ERBB4: variants seen among roughly 807,000 people sequenced by gnomAD.
The protein encoded by ERBB4 is receptor tyrosine-protein kinase erbB-4.
In ERBB4, 42 loss-of-function variants were observed where a neutral mutation model predicts 158.0. The observed-to-expected ratio is 0.27, with a 90% CI of 0.21 to 0.34. The LOEUF is 0.34. Ranked by LOEUF, ERBB4 falls within the 10% of genes least tolerant of loss-of-function variation. The probability of loss-of-function intolerance (pLI) is 1.00; values close to 1 mark genes in which losing one functional copy is unlikely to be tolerated. For missense variants in ERBB4, 1,333 were observed against 1,624.1 expected, an observed-to-expected ratio of 0.82 and a Z score of 3.08; for synonymous variants, 583 against 558.7, an observed-to-expected ratio of 1.04 and a Z score of -0.61.
At chr2:212,385,337 G>C (rs12477300) in intron 1 of ERBB4, among the ~76,000 whole-genome samples, 39,299 of 151,508 alleles carry the variant, frequency 0.26, 5,743 homozygotes, top group African/African-American at 0.4. Flanking sequence ...TTTTAACAAA[G>C]GATTCCCAGG....
chr2:212,102,895 A>G (rs1481980656), intron 2 of ERBB4, among the ~76,000 whole-genome samples: 1 of 152,142 alleles, frequency 6.6e-6, no homozygotes, highest in Non-Finnish European at 1.5e-5. Context: ...CTCAAACTGC[A>G]ATAACTTTCA....
chr2:211,876,913 T>C (rs1378720496), intron 3 of ERBB4, among the ~76,000 whole-genome samples: 2 of 152,212 alleles, frequency 1.3e-5, no homozygotes, highest in African/African-American at 4.8e-5. Flanking sequence ...AACAAAGTTT[T>C]ATATCTATTT....
chr2:211,553,229 A>G (rs2067150727), intron 20 of ERBB4, among the ~76,000 whole-genome samples: 1 of 152,174 alleles, frequency 6.6e-6, no homozygotes, highest in South Asian at 2.1e-4. Context: ...TTGGCCTCCC[A>G]AAATGCTGAG....
intron 3 of ERBB4, among the ~76,000 whole-genome samples, chr2:211,823,232 A>G (rs956199026): frequency 6.6e-6 from 1 of 151,980 alleles, no homozygotes; most frequent in African/African-American, 2.4e-5. Context: ...TCTTGGGGCA[A>G]TAGGTAAGTG....
At chr2:211,867,777 AACAACTTAAACCGTATGTTTATT>A (rs1181066832) in intron 3 of ERBB4, among the ~76,000 whole-genome samples, 2 of 152,110 alleles carry the variant, frequency 1.3e-5, no homozygotes, top group African/African-American at 4.8e-5. Context: ...ATCTTTGTGG[AACAACTTAAACCGTATGTTTATT>A]GTTATATATG....
intron 1 of ERBB4, among the ~76,000 whole-genome samples, chr2:212,334,310 A>G (rs2088325670): frequency 6.6e-6 from 1 of 151,996 alleles, no homozygotes; most frequent in South Asian, 2.1e-4. Flanking sequence ...TTTTCTTTAT[A>G]CCACTAAACT....
intron 1 of ERBB4, among the ~76,000 whole-genome samples, chr2:212,358,803 A>G (rs2089567351): frequency 1.3e-5 from 2 of 151,932 alleles, no homozygotes; most frequent in Non-Finnish European, 2.9e-5. Context: ...TTTCTTAGCA[A>G]TAACTCACCA....
chr2:212,069,868 A>G (rs974861144), intron 2 of ERBB4, among the ~76,000 whole-genome samples: 3 of 152,048 alleles, frequency 2.0e-5, no homozygotes, highest in African/African-American at 7.2e-5. Flanking sequence ...CTATTATTCC[A>G]GCACTTTGGG....
chr2:212,062,502 G>A (rs543308407), intron 2 of ERBB4, among the ~76,000 whole-genome samples: 1 of 136,662 alleles, frequency 7.3e-6, no homozygotes, highest in East Asian at 2.4e-4. Flanking sequence ...CCAGCTCCCT[G>A]GTTTAAGCGA....
At chr2:211,983,419 A>C (rs2081857221) in intron 2 of ERBB4, among the ~76,000 whole-genome samples, 1 of 152,192 alleles carries the variant, frequency 6.6e-6, no homozygotes, top group South Asian at 2.1e-4. Flanking sequence ...GGTGAGAAGC[A>C]AAACTGTATT....
chr2:212,346,454 C>A (rs2089004615), intron 1 of ERBB4, among the ~76,000 whole-genome samples: 1 of 151,798 alleles, frequency 6.6e-6, no homozygotes, highest in Non-Finnish European at 1.5e-5. Context: ...AATCAATTCA[C>A]ACTAAACTTT....
intron 16 of ERBB4, among the ~76,000 whole-genome samples, chr2:211,634,446 ACTC>A (rs2070278698): frequency 6.6e-6 from 1 of 152,084 alleles, no homozygotes; most frequent in Non-Finnish European, 1.5e-5. Context: ...CACATTTCTT[ACTC>A]CTCTGAATTT....
chr2:212,290,274 CA>C (rs1204909625), intron 1 of ERBB4, among the ~76,000 whole-genome samples: 6 of 152,098 alleles, frequency 3.9e-5, no homozygotes, highest in Admixed American at 2.6e-4. Context: ...ACAAAGCCAC[CA>C]CTGTAAGTCT....
At chr2:211,536,727 A>G (rs1350194749) in intron 20 of ERBB4, among the ~76,000 whole-genome samples, 1 of 152,072 alleles carries the variant, frequency 6.6e-6, no homozygotes, top group African/African-American at 2.4e-5. Flanking sequence ...AAAGAAAACA[A>G]CTAAATAGCT....
In ERBB4 at chr2:211,887,108, A is replaced by G. The variant is rs555101108; in HGVS notation, c.421+60322T>C. On this transcript the variant is annotated intron_variant, in intron 3 of 27. Coordinates refer to ENST00000342788, the MANE Select transcript of ERBB4 (RefSeq NM_005235.3). ...GCTCTGGTAATATATGCCAACTCTCATTGTTTTATTCAGCCCTGTAATAGG... is the reference window on the plus strand; with the variant it reads ...GCTCTGGTAATATATGCCAACTCTCGTTGTTTTATTCAGCCCTGTAATAGG... Among the ~76,000 whole-genome samples, 16 of 152,238 alleles carry G rather than the reference A, an allele frequency of 1.1e-4. No homozygotes were observed. In the East Asian group the frequency reaches 2.9e-3, roughly 28 times the overall value.
intron 2 of ERBB4, among the ~76,000 whole-genome samples, chr2:212,014,040 T>G (rs530993046): frequency 6.6e-6 from 1 of 152,304 alleles, no homozygotes; most frequent in African/African-American, 2.4e-5. Context: ...TCACTTGGAT[T>G]TAGTGCCCAT....
intron 3 of ERBB4, among the ~76,000 whole-genome samples, chr2:211,812,769 G>A (rs531263491): frequency 6.6e-6 from 1 of 152,316 alleles, no homozygotes; most frequent in African/African-American, 2.4e-5. Context: ...TCCCCCTACA[G>A]GCTGCTGCAG....
chr2:211,984,698 T>C (rs985306447), intron 2 of ERBB4, among the ~76,000 whole-genome samples: 4 of 152,154 alleles, frequency 2.6e-5, no homozygotes, highest in African/African-American at 9.7e-5. Context: ...CTTATTAGAA[T>C]AAAACAACTT....
intron 4 of ERBB4, among the ~76,000 whole-genome samples, chr2:211,758,645 G>C (rs1351458620): frequency 1.3e-5 from 2 of 152,172 alleles, no homozygotes; most frequent in African/African-American, 2.4e-5. Flanking sequence ...AATATACTGA[G>C]ATGTGTCAGC....
Sources: gnomAD v4.1 joint callset for allele counts (sites outside exome capture counted in the v4.1 genomes callset) on GRCh38, gnomAD v4.1.1 for gene constraint, MANE v1.5 for transcripts, NCBI Gene and HGNC (gene_info 2026-07-23, HGNC 2026-07-21) for gene names.